VPS13B: variants seen among roughly 807,000 people sequenced by gnomAD.
VPS13B encodes the protein intermembrane lipid transfer protein VPS13B.
Under a neutral mutation model 426.4 loss-of-function variants are expected in VPS13B, and 285 were observed. The ratio of observed to expected loss-of-function variants is 0.67; its 90% confidence interval spans 0.61 to 0.74. The LOEUF (loss-of-function observed/expected upper bound fraction) is 0.74. VPS13B is among the 30% of genes least tolerant of loss of function. VPS13B has a pLI of 0.00. For missense variants in VPS13B, 4,537 were observed against 4,782.6 expected, an observed-to-expected ratio of 0.95 and a Z score of 1.51; for synonymous variants, 1,676 against 1,676.4, an observed-to-expected ratio of 1.00 and a Z score of 0.01.
chr8:99,842,697 A>C (rs1024966636), intron 54 of VPS13B, among the ~76,000 whole-genome samples: 3 of 152,212 alleles, frequency 2.0e-5, no homozygotes, highest in Admixed American at 6.5e-5. Flanking sequence ...TTATAATTCT[A>C]AAAAATTTGT....
rs146071125 is a variant in VPS13B, at chr8:99,126,868, C to T, written c.1206+5423C>T. ...CAGCACTTTAGGAGGCCAAAGCAGG[C>T]GGATCACTTGAGCCCAGGAATTCCA... On this transcript the variant is annotated intron_variant, in intron 8 of 61. Coordinates refer to ENST00000357162, the MANE Select transcript of VPS13B (RefSeq NM_152564.5). 6.3e-3 allele frequency among the ~76,000 whole-genome samples: 962 copies of T among 152,158 alleles called. 8 individuals are homozygous for T. The highest frequency in any genetic ancestry group is 0.022 in the African/African-American group (903 of 41,518).
At chr8:99,537,998 A>C (rs1351409140) in intron 30 of VPS13B, among the ~76,000 whole-genome samples, 1 of 152,192 alleles carries the variant, frequency 6.6e-6, no homozygotes, top group Admixed American at 6.5e-5. Flanking sequence ...CATGAAAGAG[A>C]TTATTCAACA....
Position 99,868,424 on chromosome 8 carries a change from C to T in VPS13B, c.11351C>T (p.Pro3784Leu), listed in dbSNP as rs989299921. 4 of 1,613,954 alleles carry T rather than the reference C, an allele frequency of 2.5e-6. No individual in the cohort carries two copies. The highest frequency in any genetic ancestry group is 1.3e-5 in the African/African-American group (1 of 75,016). The change falls in exon 59 of 62, where the codon CCC becomes CTC. Residue 3784 changes from proline (P) to leucine (L), a missense_variant. Pro to Leu is a moderately conservative substitution (Grantham distance 98). Around this residue, in one of 2 missense-constraint regions of VPS13B, gnomAD observed 4,311 missense variants for 4,474.3 expected, o/e 0.96. Coordinates refer to ENST00000357162, the MANE Select transcript of VPS13B (RefSeq NM_152564.5). ...GKGIMGVFTK[P>L]IGGAAELVSQ... The stretch of plus-strand genomic sequence containing the variant: ...GGAATCATGGGGGTGTTCACAAAGC[C>T]CATCGGAGGAGCTGCTGAGCTGGTG...
intron 21 of VPS13B, among the ~76,000 whole-genome samples, chr8:99,427,946 G>A (rs573456348): frequency 1.3e-5 from 2 of 151,894 alleles, no homozygotes; most frequent in African/African-American, 2.4e-5. Context: ...GAGATATAGA[G>A]CAATGGAACA....
At chr8:99,775,360 A>G (rs1339128413) in intron 40 of VPS13B, among the ~76,000 whole-genome samples, 1 of 152,182 alleles carries the variant, frequency 6.6e-6, no homozygotes, top group Non-Finnish European at 1.5e-5. Flanking sequence ...GCTACAGAGC[A>G]TATTTCAGGA....
At chr8:99,191,307 T>C (rs559002823) in intron 16 of VPS13B, among the ~76,000 whole-genome samples, 12 of 151,686 alleles carry the variant, frequency 7.9e-5, no homozygotes, top group Non-Finnish European at 1.2e-4. Flanking sequence ...TTTATAGTTT[T>C]CTTCAAATTG....
intron 12 of VPS13B, 58 bp downstream of exon 12, chr8:99,136,810 C>T: frequency 9.7e-6 from 15 of 1,542,124 alleles, no homozygotes; most frequent in Non-Finnish European, 1.3e-5. Flanking sequence ...CAAAGCCTTC[C>T]TCAGAATCAA....
At chr8:99,078,318 G>C (rs190788441) in intron 3 of VPS13B, among the ~76,000 whole-genome samples, 1 of 145,732 alleles carries the variant, frequency 6.9e-6, no homozygotes, top group Non-Finnish European at 1.5e-5. Context: ...TGTTGGGAAA[G>C]ACTTTTTTTC....
chr8:99,513,015 GA>G lies in VPS13B; in HGVS notation c.4633+1519del, dbSNP rs201570928. 7.1e-3 allele frequency among the ~76,000 whole-genome samples: 734 copies of G among 103,468 alleles called. 8 individuals are homozygous for G. Among genetic ancestry groups the G allele is most frequent in the East Asian group, 0.04 (150 of 3,718 alleles). 67.9% of individuals were successfully genotyped at this position (103,468 alleles called of 152,430 possible). ...CAGAGCAAGACGCCATCTCAAGTGG[GA>G]AAAAAAAAAAAAAAACCATAATGTT... On this transcript the variant is annotated intron_variant, in intron 29 of 61. Transcript: ENST00000357162.
chr8:99,770,798 C>G (rs900448937), intron 40 of VPS13B, among the ~76,000 whole-genome samples: 2 of 152,198 alleles, frequency 1.3e-5, no homozygotes, highest in African/African-American at 2.4e-5. Context: ...GTCCAGAAAG[C>G]TCCCTTCCGG....
chr8:99,261,463 CCTA>C (rs1818034414), intron 17 of VPS13B, among the ~76,000 whole-genome samples: 1 of 152,068 alleles, frequency 6.6e-6, no homozygotes, highest in Admixed American at 6.6e-5. Context: ...TATTCATTCA[CCTA>C]CTAAGGGACA....
chr8:99,089,866 A>G (rs530094209), intron 3 of VPS13B, among the ~76,000 whole-genome samples: 26 of 152,316 alleles, frequency 1.7e-4, no homozygotes, highest in African/African-American at 6.0e-4. Flanking sequence ...CAAAATATGT[A>G]TAAGGGTTAT....
rs117138291 is a variant in VPS13B, at chr8:99,253,650, A to G, written c.2516-20548A>G. 8.1e-4 allele frequency among the ~76,000 whole-genome samples: 123 copies of G among 152,092 alleles called. 3 individuals are homozygous for G. The East Asian group carries it at 0.023, about 28-fold the overall frequency. ...GAAGTGAGTTTCTTATTGACTCTTT[A>G]TATTTGGAGTATGTTTCTTTGATCC... is the stretch of plus-strand genomic sequence containing the variant. On this transcript the variant is annotated intron_variant, in intron 17 of 61. Coordinates refer to ENST00000357162, the MANE Select transcript of VPS13B (RefSeq NM_152564.5).
At chr8:99,359,336 C>A (rs1413068124) in intron 19 of VPS13B, among the ~76,000 whole-genome samples, 4 of 151,760 alleles carry the variant, frequency 2.6e-5, no homozygotes, top group Non-Finnish European at 5.9e-5. Flanking sequence ...TGTTATTGTC[C>A]ATTAGCCTAT....
Position 99,391,656 on chromosome 8 carries a change from C to G in VPS13B, c.3034C>G (p.Gln1012Glu). ...CCCCTTGGCAAAGCAGCAATCATAT[C>G]AGGCCTCTGAATATGCCAGCAGCCC... Reference protein sequence around the residue: ...SAPLAKQQSYQASEYASSPVK... With the variant: ...SAPLAKQQSYEASEYASSPVK... Residue 1012 changes from glutamine (Q) to glutamate (E), a missense_variant, in exon 21 of 62, where the codon CAG becomes GAG. Physicochemically the swap from Gln to Glu is conservative, Grantham distance 29 (BLOSUM62 2). This residue lies in a region of VPS13B where 4,311 missense variants were observed against 4,474.3 expected (regional missense o/e 0.96). Transcript: ENST00000357162. The G allele has an allele frequency of 6.2e-7, 1 of 1,614,154 alleles. No individual in the cohort carries two copies. Among genetic ancestry groups the G allele is most frequent in the Non-Finnish European group, 8.5e-7 (1 of 1,180,036 alleles).
At chr8:99,705,931 T>A (rs1208359337) in intron 36 of VPS13B, among the ~76,000 whole-genome samples, 1 of 152,126 alleles carries the variant, frequency 6.6e-6, no homozygotes. Flanking sequence ...TCTCATGTGC[T>A]GTGGTGTAGT....
intron 35 of VPS13B, among the ~76,000 whole-genome samples, chr8:99,687,080 G>T (rs1831444087): frequency 1.3e-5 from 2 of 151,992 alleles, no homozygotes; most frequent in Admixed American, 1.3e-4. Flanking sequence ...AGCAGGTGAT[G>T]AATCCTGCAA....
Position 99,833,204 on chromosome 8 carries a change from G to A in VPS13B, c.9614+552G>A, listed in dbSNP as rs564301471. Among the ~76,000 whole-genome samples the A allele has an allele frequency of 5.3e-5, 8 of 151,234 alleles. No homozygotes were observed. The East Asian group carries it at 1.6e-3, about 29-fold the overall frequency. On this transcript the variant is annotated intron_variant, in intron 52 of 61. Coordinates refer to ENST00000357162, the MANE Select transcript of VPS13B (RefSeq NM_152564.5). ...CTGCACGCAAGTTGCTCCAATTACC[G>A]ATTACCAGTTATGCAAATAACAACC...
chr8:99,228,528 GTTATT>G (rs1816143145), intron 17 of VPS13B, among the ~76,000 whole-genome samples: 1 of 152,076 alleles, frequency 6.6e-6, no homozygotes. Context: ...GAAAAATACA[GTTATT>G]TTATTTTTAG....
Sources: gnomAD v4.1 joint callset for allele counts (sites outside exome capture counted in the v4.1 genomes callset) on GRCh38, gnomAD v4.1.1 for gene constraint, gnomAD v4.1.1 regional missense constraint, MANE v1.5 for transcripts, NCBI Gene and HGNC (gene_info 2026-07-23, HGNC 2026-07-21) for gene names.